The following ZSCAN12 variants were observed in gnomAD, a reference collection of about 807,000 sequenced individuals.
The protein encoded by ZSCAN12 is zinc finger and SCAN domain containing 12, also known as zinc finger and SCAN domain-containing protein 12.
A neutral mutation model predicts 23.4 loss-of-function variants in ZSCAN12; 18 were observed. The ratio of observed to expected loss-of-function variants is 0.77; its 90% confidence interval spans 0.53 to 1.14. The LOEUF is 1.14. Among genes scored for constraint, ZSCAN12 ranks in the 50% most tolerant of loss-of-function variants. The pLI is 0.00. For missense variants in ZSCAN12, 650 were observed against 735.0 expected, an observed-to-expected ratio of 0.88 and a Z score of 1.34; for synonymous variants, 186 against 253.4, an observed-to-expected ratio of 0.73 and a Z score of 2.53.
In ZSCAN12 at chr6:28,390,884, T is replaced by C. The variant is rs1020510481; in HGVS notation, c.1406A>G (p.Tyr469Cys). Residue 469 changes from tyrosine to cysteine, a missense_variant, in exon 4 of 4, where the codon TAC (tyrosine) becomes TGC (cysteine). Physicochemically the swap from Tyr to Cys is radical, Grantham distance 194. Transcript: ENST00000684592. ...GGCTTTTTCACATACGTCACATTTG[T>C]AGGGTTTTTCCCCAGTGTGAATTCT... is the stretch of plus-strand genomic sequence containing the variant. ...HQRIHTGEKP[Y>C]KCDVCEKAFI... 6.4e-7 allele frequency: 1 copy of C among 1,572,742 alleles called. No individual in the cohort carries two copies.
chr6:28,388,513 C>G lies in ZSCAN12; in HGVS notation c.*1941G>C, dbSNP rs1029118458. ...TCCAACCCAGGGATGAAATTCTATA[C>G]AGGGTTTATGGCTAGAGAGGCAAGA... On this transcript the variant is annotated 3_prime_UTR_variant, in exon 4 of 4. Transcript: ENST00000684592. 6.6e-6 allele frequency among the ~76,000 whole-genome samples: 1 copy of G among 152,092 alleles called. No homozygotes were observed. Among genetic ancestry groups the G allele is most frequent in the Admixed American group, 6.5e-5 (1 of 15,280 alleles).
rs1226010710 is a variant in ZSCAN12 at position 28,389,375 on chromosome 6, G to A, written c.*1079C>T. The stretch of plus-strand genomic sequence containing the variant: ...TCCTTGTTCACTCCAAAGAGCTGAT[G>A]GCACATGTTCCCTGTAAGGATCTCC... On this transcript the variant is annotated 3_prime_UTR_variant, in exon 4 of 4. Coordinates refer to ENST00000684592, the MANE Select transcript of ZSCAN12 (RefSeq NM_001163391.2). Among the ~76,000 whole-genome samples the A allele has an allele frequency of 9.2e-5, 14 of 152,154 alleles. No homozygotes were observed. The highest frequency in any genetic ancestry group is 9.2e-4 in the Admixed American group (14 of 15,272).
Position 28,388,078 on chromosome 6 carries a change from G to A in ZSCAN12, c.*2376C>T, listed in dbSNP as rs1760638088. ...CTCATTATGTGAGAAATGGGAGGCA[G>A]GGTAAACTTAGGTAGAGCACAGGCC... On this transcript the variant is annotated 3_prime_UTR_variant, in exon 4 of 4. Transcript: ENST00000684592. Among the ~76,000 whole-genome samples the A allele has an allele frequency of 6.6e-6, 1 of 152,178 alleles. No individual in the cohort carries two copies. The highest frequency in any genetic ancestry group is 1.5e-5 in the Non-Finnish European group (1 of 68,022).
Position 28,393,026 on chromosome 6 carries a change from T to C in ZSCAN12, c.423A>G (p.Glu141=). 6.4e-7 allele frequency: 1 copy of C among 1,551,774 alleles called. No individual in the cohort carries two copies. Reference sequence around the variant, plus strand: ...CCGTCTCCTGCAAGAACATTTCCTGTTCCCCAGTGTGGACTGAGACCTGAG... The same window carrying C: ...CCGTCTCCTGCAAGAACATTTCCTGCTCCCCAGTGTGGACTGAGACCTGAG... ...PGEQVSVHTG[E]QEMFLQETVR... The change falls in exon 3 of 4, where the codon GAA becomes GAG. Residue 141 remains glutamate, a synonymous_variant. Coordinates refer to ENST00000684592, the MANE Select transcript of ZSCAN12 (RefSeq NM_001163391.2).
chr6:28,391,072 T>C lies in ZSCAN12; in HGVS notation c.1218A>G (p.Gly406=). The C allele has an allele frequency of 6.4e-7, 1 of 1,553,238 alleles. No homozygotes were observed. The highest frequency in any genetic ancestry group is 8.7e-7 in the Non-Finnish European group (1 of 1,147,656). The change falls in exon 4 of 4, where the codon GGA becomes GGG. Residue 406 remains glycine (G), a synonymous_variant. Transcript: ENST00000684592. The surrounding 1 kb of genome is among the most constrained non-coding windows in gnomAD (Gnocchi z 4.1). The part of the protein sequence containing the change: ...SRRSILTQHQ[G]VHTGAKPYEC... ...CATACGGCTTGGCGCCGGTATGAAC[T>C]CCTTGATGCTGAGTAAGTATGGAAC...
chr6:28,390,923 A>G lies in ZSCAN12; in HGVS notation c.1367T>C (p.Leu456Pro). The change falls in exon 4 of 4, where the codon CTT becomes CCT. Residue 456 changes from leucine to proline, a missense_variant. Leu to Pro is a moderately conservative substitution (Grantham distance 98). Coordinates refer to ENST00000684592, the MANE Select transcript of ZSCAN12 (RefSeq NM_001163391.2). The part of the protein sequence containing the change: ...ECGKSFSQSG[L>P]IQHQRIHTGE... Reference sequence around the variant, plus strand: ...AGTGTGAATTCTCTGATGCTGAATAAGGCCACTCTGACTGAAGGATTTCCC... The same window carrying G: ...AGTGTGAATTCTCTGATGCTGAATAGGGCCACTCTGACTGAAGGATTTCCC... 2 of 1,565,180 alleles carry G rather than the reference A, an allele frequency of 1.3e-6. No individual in the cohort carries two copies. The highest frequency in any genetic ancestry group is 2.3e-5 in the South Asian group (2 of 85,180).
downstream of ZSCAN12, chr6:28,382,480 C>CA: frequency 6.5e-7 from 1 of 1,549,408 alleles, no homozygotes; most frequent in Non-Finnish European, 8.7e-7. Flanking sequence ...CCTTTACCAT[C>CA]AGTCACTATT....
chr6:28,390,409 A>G lies in ZSCAN12; in HGVS notation c.*45T>C. ...CCCAATAATTGTAAAGCTAAATAGT[A>G]TTTCTCACCGGCCTGAACTCTGTGA... On this transcript the variant is annotated 3_prime_UTR_variant, in exon 4 of 4. Coordinates refer to ENST00000684592, the MANE Select transcript of ZSCAN12 (RefSeq NM_001163391.2). 1 of 1,431,376 alleles carries G rather than the reference A, an allele frequency of 7.0e-7. No homozygotes were observed. The highest frequency in any genetic ancestry group is 9.3e-7 in the Non-Finnish European group (1 of 1,077,142). 88.7% of individuals were successfully genotyped at this position (1,431,376 alleles called of 1,614,324 possible).
Position 28,390,900 on chromosome 6 carries a change from T to C in ZSCAN12, c.1390A>G (p.Thr464Ala). The stretch of plus-strand genomic sequence containing the variant: ...TCACATTTGTAGGGTTTTTCCCCAG[T>C]GTGAATTCTCTGATGCTGAATAAGG... ...SGLIQHQRIH[T>A]GEKPYKCDVC... is the part of the protein sequence containing the mutation. The change falls in exon 4 of 4, where the codon ACT becomes GCT. Residue 464 changes from threonine to alanine, a missense_variant. Coordinates refer to ENST00000684592, the MANE Select transcript of ZSCAN12 (RefSeq NM_001163391.2). 1 of 1,569,738 alleles carries C rather than the reference T, an allele frequency of 6.4e-7. No individual in the cohort carries two copies. The highest frequency in any genetic ancestry group is 8.6e-7 in the Non-Finnish European group (1 of 1,156,846).
chr6:28,391,334 C>T lies in ZSCAN12; in HGVS notation c.956G>A (p.Arg319Gln), dbSNP rs371527424. 2.9e-4 allele frequency: 454 copies of T among 1,551,892 alleles called. No homozygotes were observed. The highest frequency in any genetic ancestry group is 3.8e-4 in the Non-Finnish European group (431 of 1,147,102). ...CTCTCCAGTGTGTATTATTTTGTGT[C>T]GAATAAGCACAGTTCTCCCACGGAA... ...KAFRGRTVLI[R>Q]HKIIHTGEKP... Residue 319 changes from arginine (R) to glutamine (Q), a missense_variant, in exon 4 of 4, where the codon CGA becomes CAA. Coordinates refer to ENST00000684592, the MANE Select transcript of ZSCAN12 (RefSeq NM_001163391.2). The surrounding 1 kb of genome is among the most constrained non-coding windows in gnomAD (Gnocchi z 4.1).
Position 28,388,598 on chromosome 6 carries a change from G to A in ZSCAN12, c.*1856C>T, listed in dbSNP as rs749802351. On this transcript the variant is annotated 3_prime_UTR_variant, in exon 4 of 4. Coordinates refer to ENST00000684592, the MANE Select transcript of ZSCAN12 (RefSeq NM_001163391.2). ...TATTACAGGAGTGAAGAGAAGATGGGACAAAGACACAGGGCTGTGTAGAAA... is the reference window on the plus strand; with the variant it reads ...TATTACAGGAGTGAAGAGAAGATGGAACAAAGACACAGGGCTGTGTAGAAA... Among the ~76,000 whole-genome samples the A allele has an allele frequency of 4.6e-5, 7 of 152,154 alleles. No individual in the cohort carries two copies. The highest frequency in any genetic ancestry group is 8.8e-5 in the Non-Finnish European group (6 of 68,028).
In ZSCAN12 at chr6:28,389,412, G is replaced by A; in HGVS notation, c.*1042C>T. ...CTGTAAGGATCTCCTTGTGCTAAAA[G>A]TCTGCAGTGGCCTTTAGTTTATAGG... On this transcript the variant is annotated 3_prime_UTR_variant, in exon 4 of 4. Transcript: ENST00000684592. Among the ~76,000 whole-genome samples, 1 of 152,186 alleles carries A rather than the reference G, an allele frequency of 6.6e-6. No homozygotes were observed. Among genetic ancestry groups the A allele is most frequent in the East Asian group, 1.9e-4 (1 of 5,196 alleles).
downstream of ZSCAN12, chr6:28,380,883 T>C (rs2072319): frequency 0.068 from 10,528 of 153,782 alleles, 418 homozygotes; most frequent in South Asian, 0.17. Flanking sequence ...TAAAACAAAA[T>C]GCACAGACAA....
chr6:28,392,834 CA>C lies in ZSCAN12; in HGVS notation c.547+67del, dbSNP rs938077396. On this transcript the variant is annotated intron_variant, in intron 3 of 3. Transcript: ENST00000684592. Reference sequence around the variant, plus strand: ...TAATGATCAGAAACAGTAGCAAGTACAAAAAAGCCCCAATGTCCTATGTTAC... The same window carrying C: ...TAATGATCAGAAACAGTAGCAAGTACAAAAAGCCCCAATGTCCTATGTTAC... The C allele has an allele frequency of 6.0e-6, 9 of 1,510,456 alleles. No homozygotes were observed. In the African/African-American group the frequency reaches 1.1e-4, roughly 19 times the overall value. The allele number at this position is 1,510,456 out of a possible 1,614,324, so 93.6% of individuals were successfully genotyped here.
In ZSCAN12 at chr6:28,398,162, T is replaced by C. The variant is rs192338816; in HGVS notation, c.244A>G (p.Lys82Glu). ...ACCAGCAGCTCCAGAATCTGTTCTT[T>C]GGTGTGGGTCTCTGGCCTCAGCCAC... ...HQWLRPETHT[K>E]EQILELLVLE... Residue 82 changes from lysine to glutamate, a missense_variant, in exon 2 of 4, where the codon AAA becomes GAA. Physicochemically the swap from Lys to Glu is moderately conservative, Grantham distance 56. Transcript: ENST00000684592. 1.9e-6 allele frequency: 3 copies of C among 1,613,922 alleles called. No individual in the cohort carries two copies. The African/African-American group carries it at 4.0e-5, about 22-fold the overall frequency.
At chr6:28,381,764 T>C (rs1333280165), downstream of ZSCAN12, 1 of 152,214 alleles carries the variant, frequency 6.6e-6, no homozygotes, top group East Asian at 1.9e-4. Context: ...ATCTGAAACC[T>C]TTCATTCCAA....
intron 2 of ZSCAN12, 38 bp downstream of exon 2, chr6:28,397,966 T>A (rs751156142): frequency 6.6e-7 from 1 of 1,518,044 alleles, no homozygotes; most frequent in Non-Finnish European, 8.8e-7. Flanking sequence ...ATCCACAATT[T>A]ATGTTTTCTC....
At chr6:28,382,450 G>T, downstream of ZSCAN12, 1 of 1,539,412 alleles carries the variant, frequency 6.5e-7, no homozygotes, top group Non-Finnish European at 8.8e-7. Context: ...CTGATTCTTT[G>T]TTCTAGGCAC....
chr6:28,390,596 CTCTG>C lies in ZSCAN12; in HGVS notation c.1690_1693del (p.Gln564GlyfsTer61). Reference sequence around the variant, plus strand: ...TCTCTGGTGTTTACTAAGATCTGACCTCTGTCTGAAGGCTTTTCCACACTCATCA... The same window carrying C: ...TCTCTGGTGTTTACTAAGATCTGACCTCTGAAGGCTTTTCCACACTCATCA... On this transcript the variant is annotated frameshift_variant, in exon 4 of 4. Transcript: ENST00000684592. LOFTEE classifies it low-confidence loss of function (END_TRUNC). The C allele has an allele frequency of 6.2e-7, 1 of 1,606,920 alleles. No homozygotes were observed. Among genetic ancestry groups the C allele is most frequent in the Middle Eastern group, 1.7e-4 (1 of 6,056 alleles).
Sources: allele counts gnomAD v4.1 joint callset (sites outside exome capture counted in the v4.1 genomes callset), GRCh38; gene constraint gnomAD v4.1.1; non-coding constraint Gnocchi (gnomAD v3.1); transcripts MANE v1.5; gene names NCBI Gene and HGNC (gene_info 2026-07-23, HGNC 2026-07-21).